TRAPPC9: variants seen among roughly 807,000 people sequenced by gnomAD.
The protein encoded by TRAPPC9 is trafficking protein particle complex subunit 9, also known as IKK2 binding protein.
Under a neutral mutation model 124.0 loss-of-function variants are expected in TRAPPC9, and 83 were observed. That is an observed-to-expected ratio of 0.67 (90% CI 0.56 to 0.80). The LOEUF (loss-of-function observed/expected upper bound fraction) is 0.80, where lower values mean the gene tolerates loss of function less well. TRAPPC9 is among the 30% of genes least tolerant of loss of function. The pLI, the probability that TRAPPC9 is intolerant of heterozygous loss-of-function variation, is 0.00. For synonymous variants in TRAPPC9, 638 were observed against 617.5 expected, an observed-to-expected ratio of 1.03 and a Z score of -0.49; for missense variants, 1,302 against 1,508.3, an observed-to-expected ratio of 0.86 and a Z score of 2.27.
intron 2 of TRAPPC9, among the ~76,000 whole-genome samples, chr8:140,445,190 TC>T (rs1458260994): frequency 1.3e-5 from 2 of 152,196 alleles, no homozygotes; most frequent in Non-Finnish European, 2.9e-5. Context: ...GCTACTCTGT[TC>T]GAGTCACACT....
intron 19 of TRAPPC9, among the ~76,000 whole-genome samples, chr8:139,951,395 C>T (rs890444228): frequency 1.3e-5 from 2 of 152,236 alleles, no homozygotes; most frequent in Non-Finnish European, 2.9e-5. Flanking sequence ...GTGACAGTCA[C>T]GTTCTGCTGC....
At chr8:139,774,189 C>T (rs1469098036) in intron 21 of TRAPPC9, among the ~76,000 whole-genome samples, 2 of 152,188 alleles carry the variant, frequency 1.3e-5, no homozygotes, top group Non-Finnish European at 2.9e-5. Context: ...CAGAAGTCGG[C>T]ATGGGCTGAG....
At chr8:139,960,398 G>C (rs1835299435) in intron 19 of TRAPPC9, among the ~76,000 whole-genome samples, 1 of 152,168 alleles carries the variant, frequency 6.6e-6, no homozygotes, top group Non-Finnish European at 1.5e-5. Context: ...GCCTGGCCCT[G>C]AGCCCCGACA....
chr8:139,755,251 C>T (rs1272145882), intron 21 of TRAPPC9, among the ~76,000 whole-genome samples: 1 of 152,204 alleles, frequency 6.6e-6, no homozygotes, highest in Non-Finnish European at 1.5e-5. Context: ...TGTGGAGAAG[C>T]CAGCCAGGGT....
At chr8:140,310,382 A>G (rs1258219078) in intron 10 of TRAPPC9, among the ~76,000 whole-genome samples, 1 of 152,142 alleles carries the variant, frequency 6.6e-6, no homozygotes, top group African/African-American at 2.4e-5. Flanking sequence ...ATCACACTGA[A>G]TCCTAAGGTG....
chr8:139,864,281 C>T (rs2130996929), intron 21 of TRAPPC9, among the ~76,000 whole-genome samples: 2 of 152,264 alleles, frequency 1.3e-5, no homozygotes, highest in South Asian at 4.2e-4. Context: ...TATGTTTTCT[C>T]TTTCCACGTC....
intron 19 of TRAPPC9, among the ~76,000 whole-genome samples, chr8:139,971,712 TATATATATATACACACACACACACAC>T (rs1836081197): frequency 1.5e-5 from 1 of 68,606 alleles, no homozygotes; most frequent in South Asian, 5.1e-4. Context: ...CTAAAGTTCA[TATATATATATACACACACACACACAC>T]ATATATATAT....
intron 15 of TRAPPC9, among the ~76,000 whole-genome samples, chr8:140,261,459 T>G (rs77380488): frequency 0.014 from 2,165 of 152,308 alleles, 32 homozygotes; most frequent in African/African-American, 0.049. Flanking sequence ...TGAAAATTTC[T>G]GTAAAGTTTA....
chr8:139,803,363 T>C (rs570599800), intron 21 of TRAPPC9, among the ~76,000 whole-genome samples: 4 of 152,318 alleles, frequency 2.6e-5, no homozygotes, highest in African/African-American at 9.6e-5. Context: ...GGGCAGAAAT[T>C]TGACTCTGCC....
intron 17 of TRAPPC9, among the ~76,000 whole-genome samples, chr8:140,029,827 T>C (rs1008079243): frequency 9.2e-5 from 14 of 151,838 alleles, no homozygotes; most frequent in African/African-American, 3.4e-4. Flanking sequence ...CAAAATCAGA[T>C]AGAAAACTTC....
rs552070998 is a variant in TRAPPC9 at position 140,425,707 on chromosome 8, C to A, written c.886+908G>T. 8.6e-5 allele frequency among the ~76,000 whole-genome samples: 13 copies of A among 151,916 alleles called. 1 individual carries two copies. Among genetic ancestry groups the A allele is most frequent in the Non-Finnish European group, 1.9e-4 (13 of 68,028 alleles). ...GTCAAATACCAGTACATTCAACATC[C>A]ATTTCATTTGTCATCAGTGTTGGCG... On this transcript the variant is annotated intron_variant, in intron 5 of 22. Coordinates refer to ENST00000438773, the MANE Select transcript of TRAPPC9 (RefSeq NM_001160372.4).
intron 17 of TRAPPC9, among the ~76,000 whole-genome samples, chr8:140,183,721 G>A (rs892735754): frequency 3.3e-5 from 5 of 151,712 alleles, no homozygotes; most frequent in African/African-American, 1.2e-4. Context: ...TGGGCATGGT[G>A]GTGCACACCT....
In TRAPPC9 at chr8:139,795,631, T is replaced by C. The variant is rs577683075; in HGVS notation, c.3056-63429A>G. On this transcript the variant is annotated intron_variant, in intron 21 of 22. Coordinates refer to ENST00000438773, the MANE Select transcript of TRAPPC9 (RefSeq NM_001160372.4). The stretch of plus-strand genomic sequence containing the variant: ...TTTGATGAGTACTTACAGTCATCAT[T>C]TGGCATCTGAAAGCATCCTTTTCAA... Among the ~76,000 whole-genome samples, 16 of 152,240 alleles carry C rather than the reference T, an allele frequency of 1.1e-4. No homozygotes were observed. The South Asian group carries it at 3.1e-3, about 30-fold the overall frequency.
At chr8:140,244,800 C>CTTTTTTTTTT (rs1162364645) in intron 16 of TRAPPC9, among the ~76,000 whole-genome samples, 2 of 90,180 alleles carry the variant, frequency 2.2e-5, no homozygotes, top group Non-Finnish European at 3.9e-5. Flanking sequence ...TTTCCAATTC[C>CTTTTTTTTTT]TTTTTTTTTT....
rs772888502 is a variant in TRAPPC9, at chr8:140,024,011, A to G, written c.2625T>C (p.Asn875=). Residue 875 remains asparagine (N), a synonymous_variant, in exon 18 of 23, where the codon AAT becomes AAC. Coordinates refer to ENST00000438773, the MANE Select transcript of TRAPPC9 (RefSeq NM_001160372.4). ...GPGHTEGYYR[N]LSLGLHVEVE... Reference sequence around the variant, plus strand: ...CTTCTACATGCAGCCCCAGGGAGAGATTCCTGTAATATCCTTCAGTGTGGC... The same window carrying G: ...CTTCTACATGCAGCCCCAGGGAGAGGTTCCTGTAATATCCTTCAGTGTGGC... 2 of 1,614,124 alleles carry G rather than the reference A, an allele frequency of 1.2e-6. No homozygotes were observed. Among genetic ancestry groups the G allele is most frequent in the Admixed American group, 3.3e-5 (2 of 60,018 alleles).
At chr8:139,841,973 A>C (rs1826762659) in intron 21 of TRAPPC9, among the ~76,000 whole-genome samples, 1 of 152,208 alleles carries the variant, frequency 6.6e-6, no homozygotes, top group Admixed American at 6.5e-5. Context: ...TGAGCAAGTG[A>C]AGACCGGGGA....
chr8:140,435,684 A>G (rs1334215214), intron 3 of TRAPPC9, among the ~76,000 whole-genome samples: 1 of 152,262 alleles, frequency 6.6e-6, no homozygotes. Context: ...GCACCAAAGC[A>G]AGACCAGAAT....
chr8:139,840,877 C>G (rs1242233655), intron 21 of TRAPPC9, among the ~76,000 whole-genome samples: 2 of 152,242 alleles, frequency 1.3e-5, no homozygotes, highest in Non-Finnish European at 2.9e-5. Flanking sequence ...CTATGGCTGC[C>G]TCACTCTGAC....
intron 7 of TRAPPC9, 130 bp from the exon 8 acceptor site, chr8:140,371,310 G>A (rs2068275696): frequency 9.6e-7 from 1 of 1,044,724 alleles, no homozygotes; most frequent in African/African-American, 1.6e-5. Flanking sequence ...GAGAGGGAAA[G>A]CCTGGTGAGC....
Sources: allele counts gnomAD v4.1 joint callset (sites outside exome capture counted in the v4.1 genomes callset), GRCh38; gene constraint gnomAD v4.1.1; transcripts MANE v1.5; gene names NCBI Gene and HGNC (gene_info 2026-07-23, HGNC 2026-07-21).